The following SHISA6 variants were observed in gnomAD, a reference collection of about 807,000 sequenced individuals.
The protein encoded by SHISA6 is protein shisa-6.
In SHISA6, 22 loss-of-function variants were observed where a neutral mutation model predicts 47.9. The ratio of observed to expected loss-of-function variants is 0.46; its 90% CI spans 0.33 to 0.66. The LOEUF is 0.66. Ranked by LOEUF, SHISA6 falls within the 30% of genes least tolerant of loss-of-function variation. SHISA6 has a pLI of 0.02. For missense variants in SHISA6, 680 were observed against 764.6 expected (o/e 0.89, Z 1.30); for synonymous variants, 388 against 337.8 (o/e 1.15, Z -1.63).
At chr17:11,353,848 TG>T (rs1911985142) in intron 2 of SHISA6, among the ~76,000 whole-genome samples, 2 of 152,208 alleles carry the variant, frequency 1.3e-5, no homozygotes, top group African/African-American at 4.8e-5. Flanking sequence ...AGAATTGTCC[TG>T]GGCGTGCTGT....
chr17:11,310,272 G>A (rs1356564564), intron 2 of SHISA6, among the ~76,000 whole-genome samples: 2 of 152,174 alleles, frequency 1.3e-5, no homozygotes, highest in African/African-American at 2.4e-5. Context: ...AGCAAAATCT[G>A]TTTACATATG....
intron 2 of SHISA6, among the ~76,000 whole-genome samples, chr17:11,293,885 T>A (rs141204025): frequency 6.6e-6 from 1 of 152,260 alleles, no homozygotes; most frequent in East Asian, 1.9e-4. Context: ...GGTGTTATTT[T>A]TGTTTTGTTT....
chr17:11,432,744 G>A (rs1437909802), intron 3 of SHISA6, among the ~76,000 whole-genome samples: 1 of 151,902 alleles, frequency 6.6e-6, no homozygotes, highest in East Asian at 1.9e-4. Flanking sequence ...TGCTACAACA[G>A]ACACAAAGCT....
intron 3 of SHISA6, among the ~76,000 whole-genome samples, chr17:11,448,535 A>T (rs1915296989): frequency 1.3e-5 from 2 of 152,096 alleles, no homozygotes; most frequent in Admixed American, 6.6e-5. Context: ...CTGCCTCTGA[A>T]AAAAGAAAAT....
chr17:11,339,382 A>G (rs1175567959), intron 2 of SHISA6, among the ~76,000 whole-genome samples: 1 of 152,150 alleles, frequency 6.6e-6, no homozygotes, highest in Non-Finnish European at 1.5e-5. Flanking sequence ...TCCAGGCTTT[A>G]CTGTGGTTAT....
chr17:11,416,933 A>G (rs1393424070), intron 3 of SHISA6, among the ~76,000 whole-genome samples: 1 of 152,182 alleles, frequency 6.6e-6, no homozygotes, highest in African/African-American at 2.4e-5. Context: ...ATCAAAACTA[A>G]GTTTACACAG....
intron 2 of SHISA6, among the ~76,000 whole-genome samples, chr17:11,299,953 G>A (rs906445347): frequency 6.6e-6 from 1 of 152,052 alleles, no homozygotes; most frequent in African/African-American, 2.4e-5. Context: ...AGACCATCCT[G>A]GCTAACACAG....
chr17:11,403,073 G>C (rs1597495668), intron 3 of SHISA6, among the ~76,000 whole-genome samples: 1 of 152,210 alleles, frequency 6.6e-6, no homozygotes, highest in Admixed American at 6.5e-5. Context: ...GGATCCCAGA[G>C]AGCCCCTTGA....
At chr17:11,327,206 G>A (rs111899119) in intron 2 of SHISA6, among the ~76,000 whole-genome samples, 6 of 152,262 alleles carry the variant, frequency 3.9e-5, no homozygotes, top group African/African-American at 1.2e-4. Context: ...ATTCATCCAG[G>A]ATAAAAGGAT....
intron 3 of SHISA6, among the ~76,000 whole-genome samples, chr17:11,467,090 T>C (rs972331626): frequency 6.6e-6 from 1 of 152,204 alleles, no homozygotes; most frequent in African/African-American, 2.4e-5. Context: ...CTACCATCAA[T>C]GACCTTATGG....
intron 3 of SHISA6, among the ~76,000 whole-genome samples, chr17:11,420,639 C>A (rs1041045572): frequency 6.6e-6 from 1 of 152,136 alleles, no homozygotes; most frequent in East Asian, 1.9e-4. Flanking sequence ...TGTAACACGC[C>A]ACAGGAAGGG....
intron 3 of SHISA6, among the ~76,000 whole-genome samples, chr17:11,491,633 G>A (rs1166753612): frequency 6.6e-6 from 1 of 152,086 alleles, no homozygotes; most frequent in African/African-American, 2.4e-5. Flanking sequence ...ATCCCTTTAG[G>A]TTGGACTATG....
At chr17:11,268,400 C>G (rs959537660) in intron 2 of SHISA6, among the ~76,000 whole-genome samples, 2 of 152,286 alleles carry the variant, frequency 1.3e-5, no homozygotes, top group Admixed American at 1.3e-4. Flanking sequence ...ACCTCAACCC[C>G]TACTACCTTC....
chr17:11,371,066 C>A (rs762165077), intron 2 of SHISA6, among the ~76,000 whole-genome samples: 8 of 152,216 alleles, frequency 5.3e-5, no homozygotes, highest in Non-Finnish European at 1.0e-4. Flanking sequence ...TGTGAGCAAG[C>A]ACTAGAATTG....
chr17:11,316,151 T>C (rs1041758523), intron 2 of SHISA6, among the ~76,000 whole-genome samples: 16 of 65,156 alleles, frequency 2.5e-4, no homozygotes, highest in African/African-American at 9.3e-4. Flanking sequence ...AAGTTGAACA[T>C]AGTGTTTTTA....
At chr17:11,262,563 A>G (rs1479588162) in intron 1 of SHISA6, among the ~76,000 whole-genome samples, 1 of 152,220 alleles carries the variant, frequency 6.6e-6, no homozygotes, top group Non-Finnish European at 1.5e-5. Context: ...ATTGGGTCCC[A>G]TTGATCTGTG....
At chr17:11,303,213 G>A (rs1438006990) in intron 2 of SHISA6, among the ~76,000 whole-genome samples, 6 of 152,156 alleles carry the variant, frequency 3.9e-5, no homozygotes, top group Non-Finnish European at 7.3e-5. Context: ...TTTTGTGTGT[G>A]TGTGTGTGTA....
intron 2 of SHISA6, among the ~76,000 whole-genome samples, chr17:11,300,484 G>A (rs916027238): frequency 2.6e-5 from 4 of 152,082 alleles, no homozygotes; most frequent in Non-Finnish European, 5.9e-5. Context: ...CAGTTGACCC[G>A]AACTGTCAGG....
chr17:11,365,249 A>G (rs1171823522), intron 2 of SHISA6, among the ~76,000 whole-genome samples: 1 of 152,162 alleles, frequency 6.6e-6, no homozygotes, highest in Non-Finnish European at 1.5e-5. Context: ...AGGTTGTCCT[A>G]CATATAAGGA....
Sources: allele counts gnomAD v4.1 joint callset (sites outside exome capture counted in the v4.1 genomes callset), GRCh38; gene constraint gnomAD v4.1.1; transcripts MANE v1.5; gene names NCBI Gene and HGNC (gene_info 2026-07-23, HGNC 2026-07-21).